VAC14: variants seen among roughly 807,000 people sequenced by gnomAD.
VAC14 encodes the protein protein VAC14 homolog.
A neutral mutation model predicts 85.3 loss-of-function variants in VAC14; 47 were observed. That is an observed-to-expected ratio of 0.55 (90% CI 0.44 to 0.70). The LOEUF is 0.70. VAC14 is among the 30% of genes least tolerant of loss of function. The probability of loss-of-function intolerance (pLI) is 0.00; values close to 1 mark genes in which losing one functional copy is unlikely to be tolerated. For synonymous variants in VAC14, 447 were observed against 430.5 expected, an observed-to-expected ratio of 1.04 and a Z score of -0.47; for missense variants, 861 against 1,004.3, an observed-to-expected ratio of 0.86 and a Z score of 1.93.
At chr16:70,737,176 C>T (rs984007074) in intron 13 of VAC14, among the ~76,000 whole-genome samples, 3 of 152,232 alleles carry the variant, frequency 2.0e-5, no homozygotes, top group East Asian at 1.9e-4. Context: ...CCTGCTCTTC[C>T]GCCCACCTCC....
rs775048156 is a variant in VAC14 at position 70,786,202 on chromosome 16, G to A, written c.255+13C>T. 1 of 1,613,188 alleles carries A rather than the reference G, an allele frequency of 6.2e-7. No individual in the cohort carries two copies. The highest frequency in any genetic ancestry group is 8.5e-7 in the Non-Finnish European group (1 of 1,179,528). On this transcript the variant is annotated intron_variant, in intron 2 of 18. Coordinates refer to ENST00000261776, the MANE Select transcript of VAC14 (RefSeq NM_018052.5). ...CAGGACTGGTATGTCTGTCCCTTGGGTGAAAGGCCCACCTTGCCCAGTGCG... is the reference window on the plus strand; with the variant it reads ...CAGGACTGGTATGTCTGTCCCTTGGATGAAAGGCCCACCTTGCCCAGTGCG...
intron 1 of VAC14, among the ~76,000 whole-genome samples, chr16:70,787,128 C>T (rs2034102260): frequency 6.6e-6 from 1 of 152,154 alleles, no homozygotes; most frequent in Admixed American, 6.5e-5. Flanking sequence ...GGATGACACG[C>T]TCAGCCCCAT....
chr16:70,780,760 A>C (rs1242603229), intron 9 of VAC14, 30 bp downstream of exon 9: 2 of 1,546,634 alleles, frequency 1.3e-6, no homozygotes, highest in Non-Finnish European at 1.7e-6. Context: ...CCCCGACAGG[A>C]GGTGAGGTGT....
intron 9 of VAC14, chr16:70,772,516 A>G: frequency 4.1e-6 from 1 of 241,310 alleles, no homozygotes; most frequent in Non-Finnish European, 8.1e-6. Context: ...ATGCAAATCC[A>G]AACCACAAGA....
At chr16:70,767,077 T>C (rs1345998133) in intron 10 of VAC14, among the ~76,000 whole-genome samples, 1 of 152,224 alleles carries the variant, frequency 6.6e-6, no homozygotes, top group African/African-American at 2.4e-5. Flanking sequence ...TTCTGAGTTA[T>C]TTCAAGGTGT....
intron 13 of VAC14, among the ~76,000 whole-genome samples, chr16:70,733,719 G>A (rs1178430990): frequency 6.6e-6 from 1 of 151,918 alleles, no homozygotes; most frequent in African/African-American, 2.4e-5. Context: ...TCCTGAGGCC[G>A]CCTCAGGAAC....
chr16:70,726,027 G>A (rs2054417793), intron 14 of VAC14, among the ~76,000 whole-genome samples: 1 of 152,274 alleles, frequency 6.6e-6, no homozygotes, highest in Non-Finnish European at 1.5e-5. Flanking sequence ...GGCAGGCAGA[G>A]CGACTGTCTT....
intron 13 of VAC14, among the ~76,000 whole-genome samples, chr16:70,736,419 T>C (rs917853782): frequency 6.6e-6 from 1 of 152,146 alleles, no homozygotes; most frequent in Non-Finnish European, 1.5e-5. Flanking sequence ...AGATTTCATT[T>C]CTGGCACAAA....
chr16:70,687,704 A>G lies in VAC14; in HGVS notation c.*224T>C. On this transcript the variant is annotated 3_prime_UTR_variant, in exon 19 of 19. Coordinates refer to ENST00000261776, the MANE Select transcript of VAC14 (RefSeq NM_018052.5). ...ATAGCCCCCCACTGGGTGGGCAGCC[A>G]GCTCTGTGAGAATGCCAGGGTGCAG... 2.4e-6 allele frequency: 1 copy of G among 422,370 alleles called. No individual in the cohort carries two copies. The allele number at this position is 422,370 out of a possible 1,614,324, so 26.2% of individuals were successfully genotyped here.
At chr16:70,724,461 G>A (rs1447625294) in intron 14 of VAC14, among the ~76,000 whole-genome samples, 9 of 152,224 alleles carry the variant, frequency 5.9e-5, no homozygotes, top group Admixed American at 4.6e-4. Flanking sequence ...TGGGCTCCCT[G>A]AACTTTGCAC....
chr16:70,709,588 A>T (rs2053987020), intron 14 of VAC14, among the ~76,000 whole-genome samples: 1 of 152,178 alleles, frequency 6.6e-6, no homozygotes, highest in South Asian at 2.1e-4. Context: ...CTCCAAGGGT[A>T]CGAGAGGGAA....
In VAC14 at chr16:70,692,801, A is replaced by T. The variant is rs1567518634; in HGVS notation, c.2186+20T>A. On this transcript the variant is annotated intron_variant, in intron 18 of 18. Coordinates refer to ENST00000261776, the MANE Select transcript of VAC14 (RefSeq NM_018052.5). ...TCCCTGCTCAGGGGGCGGGGGCAGCAGTCCCCAGCCGGCACTCACTCGGTC... is the reference window on the plus strand; with the variant it reads ...TCCCTGCTCAGGGGGCGGGGGCAGCTGTCCCCAGCCGGCACTCACTCGGTC... 6.3e-7 allele frequency: 1 copy of T among 1,589,908 alleles called. No homozygotes were observed. The highest frequency in any genetic ancestry group is 2.3e-5 in the East Asian group (1 of 44,148).
At chr16:70,698,069 GCTCT>G (rs889246225) in intron 15 of VAC14, among the ~76,000 whole-genome samples, 1 of 152,198 alleles carries the variant, frequency 6.6e-6, no homozygotes, top group Non-Finnish European at 1.5e-5. Flanking sequence ...TGTCCTTTCT[GCTCT>G]CTCTGACCAG....
chr16:70,786,023 G>C, intron 2 of VAC14, 154 bp from the exon 3 acceptor site: 1 of 1,326,576 alleles, frequency 7.5e-7, no homozygotes, highest in East Asian at 2.4e-5. Context: ...TCATTCCCAG[G>C]AGAGGGCCCA....
intron 18 of VAC14, chr16:70,692,128 T>C: frequency 1.0e-6 from 1 of 977,176 alleles, no homozygotes; most frequent in South Asian, 4.8e-5. Context: ...CAAATATAGA[T>C]GCAGCCCTAC....
At chr16:70,786,479 G>A in intron 1 of VAC14, 114 bp from the exon 2 acceptor site, 1 of 1,404,850 alleles carries the variant, frequency 7.1e-7, no homozygotes, top group East Asian at 2.3e-5. Context: ...GGAAATGGGA[G>A]ACAGGCGTCT....
intron 18 of VAC14, chr16:70,689,912 T>C: frequency 2.0e-6 from 2 of 985,478 alleles, no homozygotes; most frequent in Non-Finnish European, 1.2e-6. Context: ...CAGCCCTAAG[T>C]CCAGGGTGTG....
intron 9 of VAC14, among the ~76,000 whole-genome samples, chr16:70,775,185 ATTG>A (rs1352007058): frequency 6.6e-6 from 1 of 152,164 alleles, no homozygotes; most frequent in Non-Finnish European, 1.5e-5. Flanking sequence ...CATTATTTAT[ATTG>A]TTGTTCAAAT....
Position 70,698,803 on chromosome 16 carries a change from C to G in VAC14, c.1670G>C (p.Cys557Ser). 6.2e-7 allele frequency: 1 copy of G among 1,613,872 alleles called. No homozygotes were observed. Among genetic ancestry groups the G allele is most frequent in the South Asian group, 1.1e-5 (1 of 91,070 alleles). The stretch of plus-strand genomic sequence containing the variant: ...GATGTTCTCCGCATTCAGCAGGAGG[C>G]ACAGCTGCCTGGAGAGCAGGCAGAC... The part of the protein sequence containing the change: ...VRGPFIIRQL[C>S]LLLNAENIFH... Residue 557 changes from cysteine to serine, a missense_variant, in exon 15 of 19, where the codon TGC becomes TCC. Physicochemically the swap from Cys to Ser is moderately radical, Grantham distance 112. Coordinates refer to ENST00000261776, the MANE Select transcript of VAC14 (RefSeq NM_018052.5).
Sources: allele counts gnomAD v4.1 joint callset (sites outside exome capture counted in the v4.1 genomes callset), GRCh38; gene constraint gnomAD v4.1.1; transcripts MANE v1.5; gene names NCBI Gene and HGNC (gene_info 2026-07-23, HGNC 2026-07-21).